The following DOCK8 variants were observed in gnomAD, a reference collection of about 807,000 sequenced individuals.
The protein encoded by DOCK8 is dedicator of cytokinesis protein 8.
A neutral mutation model predicts 245.6 loss-of-function variants in DOCK8; 141 were observed. The ratio of observed to expected loss-of-function variants is 0.57; its 90% CI spans 0.50 to 0.66. DOCK8 has a LOEUF of 0.66. Among genes scored for constraint, DOCK8 ranks in the 30% least tolerant of loss-of-function variants. DOCK8 has a pLI of 0.00. For missense variants in DOCK8, 2,965 were observed against 2,603.4 expected, an observed-to-expected ratio of 1.14 and a Z score of -3.02; for synonymous variants, 1,168 against 970.2, an observed-to-expected ratio of 1.20 and a Z score of -3.79.
chr9:392,527 G>C (rs775288343), intron 24 of DOCK8, among the ~76,000 whole-genome samples: 3 of 152,222 alleles, frequency 2.0e-5, no homozygotes, highest in Non-Finnish European at 4.4e-5. Flanking sequence ...CTGGAGGCCA[G>C]CATTGTGCAT....
At chr9:341,622 CACTT>C (rs1237235371) in intron 14 of DOCK8, among the ~76,000 whole-genome samples, 23 of 152,198 alleles carry the variant, frequency 1.5e-4, no homozygotes, top group African/African-American at 3.9e-4. Flanking sequence ...CTTTTACACA[CACTT>C]ACACACACAT....
intron 1 of DOCK8, among the ~76,000 whole-genome samples, chr9:259,625 C>T (rs2047868170): frequency 6.6e-6 from 1 of 152,180 alleles, no homozygotes; most frequent in Non-Finnish European, 1.5e-5. Flanking sequence ...CAGCACAGAG[C>T]CCTGTGTCAT....
intron 1 of DOCK8, among the ~76,000 whole-genome samples, chr9:246,010 A>C (rs552517157): frequency 6.6e-6 from 1 of 152,314 alleles, no homozygotes; most frequent in South Asian, 2.1e-4. Context: ...GCCTGAGCTC[A>C]GGAGTTCTAG....
At chr9:245,278 C>T (rs1587653278) in intron 1 of DOCK8, among the ~76,000 whole-genome samples, 1 of 152,154 alleles carries the variant, frequency 6.6e-6, no homozygotes, top group Non-Finnish European at 1.5e-5. Flanking sequence ...AATCTCAGCT[C>T]ACTGCAACCT....
chr9:285,410 A>T (rs1414158903), intron 2 of DOCK8, among the ~76,000 whole-genome samples: 2 of 152,182 alleles, frequency 1.3e-5, no homozygotes, highest in African/African-American at 4.8e-5. Context: ...AGAATCCAAG[A>T]TATTTGTTTT....
chr9:241,633 C>A (rs1188438209), intron 1 of DOCK8, among the ~76,000 whole-genome samples: 1 of 152,124 alleles, frequency 6.6e-6, no homozygotes, highest in Non-Finnish European at 1.5e-5. Context: ...TATTGTCAGA[C>A]ACGTAAGTTG....
intron 1 of DOCK8, among the ~76,000 whole-genome samples, chr9:257,671 C>T (rs2047812432): frequency 1.3e-5 from 2 of 152,176 alleles, no homozygotes; most frequent in South Asian, 2.1e-4. Flanking sequence ...AGGCATGTGC[C>T]ACCAGCCCAG....
In DOCK8 at chr9:464,274, T is replaced by TG; in HGVS notation, c.*56dup. ...GGCCCTGCAACCCTGGAGAAGGACT[T>TG]GCTGGTACTTAAAAAATGGGACATT... On this transcript the variant is annotated 3_prime_UTR_variant, in exon 48 of 48. Coordinates refer to ENST00000432829, the MANE Select transcript of DOCK8 (RefSeq NM_203447.4). 3 of 1,482,284 alleles carry TG rather than the reference T, an allele frequency of 2.0e-6. No homozygotes were observed. Among genetic ancestry groups the TG allele is most frequent in the Non-Finnish European group, 2.8e-6 (3 of 1,059,756 alleles). The allele number at this position is 1,482,284 out of a possible 1,614,324, so 91.8% of individuals were successfully genotyped here. A position where few individuals can be genotyped will look rare whatever the true frequency, so the allele number is the denominator to read the frequency against.
At chr9:299,678 G>A (rs897763872) in intron 4 of DOCK8, among the ~76,000 whole-genome samples, 2 of 151,614 alleles carry the variant, frequency 1.3e-5, no homozygotes, top group African/African-American at 4.9e-5. Context: ...CCCAGCCCTA[G>A]CAATATAGGT....
At chr9:214,250 C>T (rs1350178417), upstream of DOCK8, 2 of 481,130 alleles carry the variant, frequency 4.2e-6, no homozygotes, top group Middle Eastern at 5.5e-4. Context: ...GCAGCGTACC[C>T]TTGAATCGCA....
In DOCK8 at chr9:429,687, T is replaced by C; in HGVS notation, c.4474-15T>C. 6.2e-7 allele frequency: 1 copy of C among 1,614,196 alleles called. No individual in the cohort carries two copies. Among genetic ancestry groups the C allele is most frequent in the Non-Finnish European group, 8.5e-7 (1 of 1,180,034 alleles). On this transcript the variant is annotated splice_polypyrimidine_tract_variant and intron_variant, in intron 35 of 47. Transcript: ENST00000432829. ...CTGCCAAGTGATGCCTAATGGCCCT[T>C]TATGTCTCTCCTAGTTTGGAGACTT...
At chr9:222,134 A>G (rs1466238333) in intron 1 of DOCK8, among the ~76,000 whole-genome samples, 1 of 151,608 alleles carries the variant, frequency 6.6e-6, no homozygotes, top group Non-Finnish European at 1.5e-5. Flanking sequence ...AGGGTGGTGC[A>G]TGCCTGTGGT....
chr9:441,842 A>G (rs2057104081), intron 41 of DOCK8, 33 bp from the exon 42 acceptor site: 1 of 1,614,046 alleles, frequency 6.2e-7, no homozygotes, highest in African/African-American at 1.3e-5. Context: ...GGATGACATA[A>G]CTAAGGAGAG....
chr9:315,308 A>C (rs1266707685), intron 6 of DOCK8, among the ~76,000 whole-genome samples: 1 of 152,210 alleles, frequency 6.6e-6, no homozygotes. Context: ...AATGTTTCAC[A>C]TTTCCACTTT....
At chr9:401,309 G>C (rs963712841) in intron 26 of DOCK8, among the ~76,000 whole-genome samples, 13 of 152,150 alleles carry the variant, frequency 8.5e-5, no homozygotes, top group African/African-American at 3.1e-4. Flanking sequence ...GGTTACATAA[G>C]AGCGGAAGCC....
At position 464,948 on chromosome 9, in the gene DOCK8, T is replaced by A. The variant is rs189243739; in HGVS notation, c.*729T>A. 3.9e-5 allele frequency: 6 copies of A among 152,970 alleles called. No individual in the cohort carries two copies. Among genetic ancestry groups the A allele is most frequent in the African/African-American group, 1.4e-4 (6 of 41,588 alleles). 9.5% of individuals were successfully genotyped at this position (152,970 alleles called of 1,614,324 possible). A position where few individuals can be genotyped will look rare whatever the true frequency, so the allele number is the denominator to read the frequency against. On this transcript the variant is annotated 3_prime_UTR_variant, in exon 48 of 48. Coordinates refer to ENST00000432829, the MANE Select transcript of DOCK8 (RefSeq NM_203447.4). ...ATCACAGATACTGCTTTCACTTAAATGGAAACAATTCTCCGATAATGCTTT... is the reference window on the plus strand; with the variant it reads ...ATCACAGATACTGCTTTCACTTAAAAGGAAACAATTCTCCGATAATGCTTT...
chr9:419,622 C>T (rs1238509534), intron 30 of DOCK8, among the ~76,000 whole-genome samples: 1 of 152,190 alleles, frequency 6.6e-6, no homozygotes, highest in African/African-American at 2.4e-5. Flanking sequence ...CTCCCATACC[C>T]ACAAATTCCT....
Position 240,841 on chromosome 9 carries a change from T to G in DOCK8, c.53+25812T>G, listed in dbSNP as rs1587644998. ...AACTAATATATCATGTCAGATAATG[T>G]CTCATTTCCTTATCTCTTAAATAAA... On this transcript the variant is annotated intron_variant, in intron 1 of 47. Coordinates refer to ENST00000432829, the MANE Select transcript of DOCK8 (RefSeq NM_203447.4). Among the ~76,000 whole-genome samples the G allele has an allele frequency of 2.0e-5, 3 of 152,270 alleles. No homozygotes were observed. The East Asian group carries it at 5.8e-4, about 29-fold the overall frequency.
At chr9:232,620 C>T (rs1366926583) in intron 1 of DOCK8, among the ~76,000 whole-genome samples, 2 of 152,090 alleles carry the variant, frequency 1.3e-5, no homozygotes, top group Non-Finnish European at 2.9e-5. Context: ...CTGGTTTAGT[C>T]TTGGGAGGGT....
Sources: gnomAD v4.1 joint callset for allele counts (sites outside exome capture counted in the v4.1 genomes callset) on GRCh38, gnomAD v4.1.1 for gene constraint, MANE v1.5 for transcripts, NCBI Gene and HGNC (gene_info 2026-07-23, HGNC 2026-07-21) for gene names.